Variants in RREB1 observed in about 807,000 individuals in gnomAD.
RREB1 encodes ras-responsive element-binding protein 1.
A neutral mutation model predicts 117.8 loss-of-function variants in RREB1; 27 were observed. The observed-to-expected ratio is 0.23, with a 90% CI of 0.17 to 0.32. The LOEUF (loss-of-function observed/expected upper bound fraction) is 0.32, where lower values mean the gene tolerates loss of function less well. Ranked by LOEUF, RREB1 falls within the 10% of genes least tolerant of loss-of-function variation. The pLI is 1.00. For synonymous variants in RREB1, 1,298 were observed against 1,026.7 expected (o/e 1.26, Z -5.05); for missense variants, 2,577 against 2,378.2 (o/e 1.08, Z -1.74).
intron 10 of RREB1, 97 bp from the exon 11 acceptor site, chr6:7,240,341 A>G (rs1366027637): frequency 2.9e-5 from 26 of 887,484 alleles, no homozygotes. Context: ...GGAGGGGGGA[A>G]CAACTGCCAA....
intron 1 of RREB1, among the ~76,000 whole-genome samples, chr6:7,119,429 C>T (rs576808691): frequency 2.0e-5 from 3 of 152,000 alleles, no homozygotes; most frequent in Non-Finnish European, 4.4e-5. Context: ...CAGTGTGTGG[C>T]CTTTGTGTGT....
chr6:7,250,563 C>A lies in RREB1; in HGVS notation c.*1595C>A, dbSNP rs1023922616. 1 of 151,904 alleles carries A rather than the reference C, an allele frequency of 6.6e-6. No homozygotes were observed. The highest frequency in any genetic ancestry group is 1.5e-5 in the Non-Finnish European group (1 of 67,962). 9.4% of individuals were successfully genotyped at this position (151,904 alleles called of 1,614,324 possible). A position where few individuals can be genotyped will look rare whatever the true frequency, so the allele number is the denominator to read the frequency against. ...TCCCCAGCCAGCCTGCTGCTGGGGACCCCTGTGCTTGCTGCAGTGTATGGA... is the reference window on the plus strand; with the variant it reads ...TCCCCAGCCAGCCTGCTGCTGGGGAACCCTGTGCTTGCTGCAGTGTATGGA... On this transcript the variant is annotated 3_prime_UTR_variant, in exon 13 of 13. Transcript: ENST00000379938.
At chr6:7,143,250 T>G (rs1025644647) in intron 1 of RREB1, among the ~76,000 whole-genome samples, 1 of 152,196 alleles carries the variant, frequency 6.6e-6, no homozygotes, top group African/African-American at 2.4e-5. Flanking sequence ...CAGGTGTAAA[T>G]GCGGCTCATT....
At chr6:7,225,023 A>G (rs1200055032) in intron 8 of RREB1, among the ~76,000 whole-genome samples, 1 of 152,154 alleles carries the variant, frequency 6.6e-6, no homozygotes, top group Non-Finnish European at 1.5e-5. Flanking sequence ...AGGGCGGCAC[A>G]TACTGGCACT....
chr6:7,117,423 TTTG>T (rs1761459565), intron 1 of RREB1, among the ~76,000 whole-genome samples: 1 of 108,128 alleles, frequency 9.2e-6, no homozygotes, highest in Non-Finnish European at 2.0e-5. Context: ...TTTTTTTTTT[TTTG>T]AGACGAAGTG....
chr6:7,195,598 G>A (rs1266643480), intron 6 of RREB1, among the ~76,000 whole-genome samples: 3 of 152,208 alleles, frequency 2.0e-5, no homozygotes, highest in African/African-American at 4.8e-5. Flanking sequence ...GAAATCAGTC[G>A]ATCTGTGAGA....
intron 1 of RREB1, among the ~76,000 whole-genome samples, chr6:7,171,102 A>G (rs546417114): frequency 5.8e-4 from 88 of 152,326 alleles, no homozygotes; most frequent in Admixed American, 2.0e-3. Flanking sequence ...TCAGCTCATC[A>G]GATAGGACTA....
At chr6:7,234,850 G>A (rs1308132680) in intron 10 of RREB1, among the ~76,000 whole-genome samples, 3 of 152,320 alleles carry the variant, frequency 2.0e-5, no homozygotes, top group Admixed American at 1.3e-4. Flanking sequence ...GCCAGGGTCC[G>A]GTTCTGTGCA....
At chr6:7,209,572 CT>C (rs397961662) in intron 6 of RREB1, among the ~76,000 whole-genome samples, 12,465 of 129,204 alleles carry the variant, frequency 0.096, 638 homozygotes, top group African/African-American at 0.23. Flanking sequence ...TATTTCTTTC[CT>C]TTTTTTTTTT....
At position 7,246,998 on chromosome 6, in the gene RREB1, G is replaced by C. The variant is rs752735098; in HGVS notation, c.4548G>C (p.Glu1516Asp). 1.1e-5 allele frequency: 18 copies of C among 1,600,290 alleles called. No individual in the cohort carries two copies. The highest frequency in any genetic ancestry group is 8.5e-7 in the Non-Finnish European group (1 of 1,173,868). The change falls in exon 12 of 13, where the codon GAG (glutamate) becomes GAC (aspartate). Residue 1516 changes from glutamate (E) to aspartate (D), a missense_variant. Physicochemically the swap from Glu to Asp is conservative, Grantham distance 45 (BLOSUM62 2). Coordinates refer to ENST00000379938, the MANE Select transcript of RREB1 (RefSeq NM_001003699.4). ...EVVESAPGAG[E>D]APAEKLAEET... ...TGGAGTCGGCCCCGGGTGCCGGGGA[G>C]GCCCCGGCGGAAAAGCTCGCGGAGG...
At chr6:7,220,943 A>C (rs1051157743) in intron 8 of RREB1, among the ~76,000 whole-genome samples, 1 of 152,194 alleles carries the variant, frequency 6.6e-6, no homozygotes, top group African/African-American at 2.4e-5. Flanking sequence ...TGCATCCAGC[A>C]GCTCCCTCCA....
At chr6:7,109,311 C>T (rs570529394) in intron 1 of RREB1, among the ~76,000 whole-genome samples, 85 of 152,204 alleles carry the variant, frequency 5.6e-4, no homozygotes, top group African/African-American at 2.0e-3. Context: ...GCCCCCTCCC[C>T]GCTCGCGGTC....
In RREB1 at chr6:7,179,260, C is replaced by T. The variant is rs1210408600; in HGVS notation, c.-165-1864C>T. Among the ~76,000 whole-genome samples, 4 of 152,158 alleles carry T rather than the reference C, an allele frequency of 2.6e-5. No homozygotes were observed. The East Asian group carries it at 7.7e-4, about 29-fold the overall frequency. ...CACATTTTTCTTTCCTTTTTCTACA[C>T]ACATACACACACATTTTGTTGTTTG... is the stretch of plus-strand genomic sequence containing the variant. On this transcript the variant is annotated intron_variant, in intron 2 of 12. Coordinates refer to ENST00000379938, the MANE Select transcript of RREB1 (RefSeq NM_001003699.4).
chr6:7,111,818 A>G (rs483107), intron 1 of RREB1, among the ~76,000 whole-genome samples: 17,514 of 152,172 alleles, frequency 0.12, 1,132 homozygotes, highest in African/African-American at 0.16. Context: ...AACCTTCCTG[A>G]GGATTTGTGT....
chr6:7,202,390 C>T (rs1414549818), intron 6 of RREB1, among the ~76,000 whole-genome samples: 12 of 152,206 alleles, frequency 7.9e-5, no homozygotes, highest in Non-Finnish European at 5.9e-5. Flanking sequence ...CAAGTGATCG[C>T]CTTTCAAGCT....
Position 7,246,886 on chromosome 6 carries a change from A to C in RREB1, c.4436A>C (p.Lys1479Thr). The C allele has an allele frequency of 1.3e-6, 2 of 1,553,084 alleles. No homozygotes were observed. Among genetic ancestry groups the C allele is most frequent in the Non-Finnish European group, 1.7e-6 (2 of 1,148,718 alleles). The change falls in exon 12 of 13, where the codon AAG (lysine) becomes ACG (threonine). Residue 1479 changes from lysine (K) to threonine (T), a missense_variant. Lys to Thr is a moderately conservative substitution (Grantham distance 78). Coordinates refer to ENST00000379938, the MANE Select transcript of RREB1 (RefSeq NM_001003699.4). ...GGCCGCCAGGAGCCCAAGGACGAGA[A>C]GGGAGATGGCGCCAGCACTGCAGAG... ...AHGRQEPKDE[K>T]GDGASTAEEG...
At chr6:7,164,963 C>T (rs1363602233) in intron 1 of RREB1, among the ~76,000 whole-genome samples, 1 of 152,206 alleles carries the variant, frequency 6.6e-6, no homozygotes, top group Non-Finnish European at 1.5e-5. Flanking sequence ...GCTACTGTAA[C>T]TAACTTCTCG....
Position 7,231,636 on chromosome 6 carries a change from C to T in RREB1, c.3537C>T (p.Ala1179=), listed in dbSNP as rs749972599. The T allele has an allele frequency of 1.9e-5, 30 of 1,611,530 alleles. No homozygotes were observed. The highest frequency in any genetic ancestry group is 6.7e-5 in the Admixed American group (4 of 59,862). Residue 1179 remains alanine, a synonymous_variant, in exon 10 of 13, where the codon GCC becomes GCT. Transcript: ENST00000379938. ...GVDLDSSGEF[A]SIEKMLATTD... ...ACCTGGACTCCAGCGGGGAGTTTGC[C>T]AGCATCGAGAAGATGCTGGCCACCA...
At chr6:7,149,819 G>T (rs1763031999) in intron 1 of RREB1, among the ~76,000 whole-genome samples, 2 of 152,106 alleles carry the variant, frequency 1.3e-5, no homozygotes, top group South Asian at 4.1e-4. Context: ...CTCCTGAGTA[G>T]CTGGGATTAC....
Sources: allele counts gnomAD v4.1 joint callset (sites outside exome capture counted in the v4.1 genomes callset), GRCh38; gene constraint gnomAD v4.1.1; transcripts MANE v1.5; gene names NCBI Gene and HGNC (gene_info 2026-07-23, HGNC 2026-07-21).